Variants in ZBTB8A observed in about 807,000 individuals in gnomAD.
The protein encoded by ZBTB8A is zinc finger and BTB domain-containing protein 8A.
A neutral mutation model predicts 37.8 loss-of-function variants in ZBTB8A; 19 were observed. The observed-to-expected ratio is 0.50, with a 90% CI of 0.35 to 0.74. ZBTB8A has a LOEUF of 0.74. Among genes scored for constraint, ZBTB8A ranks in the 30% least tolerant of loss-of-function variants. The pLI is 0.01. For synonymous variants in ZBTB8A, 181 were observed against 185.2 expected, an observed-to-expected ratio of 0.98 and a Z score of 0.19; for missense variants, 394 against 537.8, an observed-to-expected ratio of 0.73 and a Z score of 2.65.
chr1:32,592,909 A>C (rs1006828328), intron 2 of ZBTB8A, 22 bp from the exon 3 acceptor site: 1 of 1,559,836 alleles, frequency 6.4e-7, no homozygotes, highest in African/African-American at 1.4e-5. Flanking sequence ...TTTGGTAACC[A>C]CATGTGTCTT....
intron 2 of ZBTB8A, among the ~76,000 whole-genome samples, chr1:32,592,191 C>G (rs1474814310): frequency 2.6e-5 from 4 of 152,068 alleles, no homozygotes; most frequent in African/African-American, 9.7e-5. Flanking sequence ...TCTTCTGTGT[C>G]TTGGCGATTA....
chr1:32,544,735 A>G (rs1394069769), intron 1 of ZBTB8A, among the ~76,000 whole-genome samples: 1 of 152,216 alleles, frequency 6.6e-6, no homozygotes, highest in African/African-American at 2.4e-5. Context: ...CAGGAAAGGT[A>G]CAATAAAAAT....
chr1:32,557,304 A>G (rs960984427), intron 2 of ZBTB8A, among the ~76,000 whole-genome samples: 1 of 152,178 alleles, frequency 6.6e-6, no homozygotes, highest in Non-Finnish European at 1.5e-5. Flanking sequence ...TCCCATCTCA[A>G]AAAGATGATG....
chr1:32,573,347 T>A (rs1315812235), intron 2 of ZBTB8A, among the ~76,000 whole-genome samples: 1 of 151,368 alleles, frequency 6.6e-6, no homozygotes, highest in Admixed American at 6.6e-5. Flanking sequence ...GTGCTGTGAT[T>A]ACAGGCGTGA....
chr1:32,548,581 G>T (rs1557700874), intron 1 of ZBTB8A, among the ~76,000 whole-genome samples: 1 of 152,106 alleles, frequency 6.6e-6, no homozygotes, highest in Non-Finnish European at 1.5e-5. Flanking sequence ...TGATAAACCC[G>T]CCTCAGCTTC....
Position 32,584,492 on chromosome 1 carries a change from TTTTC to T in ZBTB8A, c.-1-8423_-1-8420del, listed in dbSNP as rs1263744932. Among the ~76,000 whole-genome samples, 381 of 149,578 alleles carry T rather than the reference TTTTC, an allele frequency of 2.5e-3. 2 individuals carry two copies. The highest frequency in any genetic ancestry group is 8.0e-3 in the African/African-American group (324 of 40,424). ...CCTATACTAAACGTCATCATTCTTT[TTTTC>T]TTTCTTTCTTTCTTTTTTTTTTTTT... On this transcript the variant is annotated intron_variant, in intron 2 of 4. Coordinates refer to ENST00000373510, the MANE Select transcript of ZBTB8A (RefSeq NM_001040441.3).
At chr1:32,554,536 G>C (rs1350733920) in intron 2 of ZBTB8A, among the ~76,000 whole-genome samples, 1 of 151,110 alleles carries the variant, frequency 6.6e-6, no homozygotes. Flanking sequence ...GTCTGGCTCT[G>C]TCGGCCAGAC....
chr1:32,565,871 T>A (rs1644274390), intron 2 of ZBTB8A, among the ~76,000 whole-genome samples: 1 of 152,080 alleles, frequency 6.6e-6, no homozygotes, highest in African/African-American at 2.4e-5. Context: ...TAGATTCTAG[T>A]GCTTAGTCTA....
chr1:32,560,480 TC>T (rs1486012013), intron 2 of ZBTB8A, among the ~76,000 whole-genome samples: 3 of 152,100 alleles, frequency 2.0e-5, no homozygotes, highest in Non-Finnish European at 4.4e-5. Context: ...CTGCTTTTTT[TC>T]CTTTTCTTTA....
intron 1 of ZBTB8A, among the ~76,000 whole-genome samples, chr1:32,540,765 G>T (rs1043214746): frequency 1.5e-4 from 23 of 152,238 alleles, no homozygotes; most frequent in Admixed American, 1.5e-3. Flanking sequence ...GTAGACTGGA[G>T]CAAGAGCCCC....
At chr1:32,542,302 TC>T (rs1644062307) in intron 1 of ZBTB8A, among the ~76,000 whole-genome samples, 1 of 115,440 alleles carries the variant, frequency 8.7e-6, no homozygotes, top group Non-Finnish European at 1.6e-5. Context: ...CACCTATAAT[TC>T]CAACACTTTG....
chr1:32,565,886 C>G (rs1396842468), intron 2 of ZBTB8A, among the ~76,000 whole-genome samples: 1 of 151,986 alleles, frequency 6.6e-6, no homozygotes, highest in African/African-American at 2.4e-5. Flanking sequence ...AGTCTAGAAG[C>G]CTAGTCTGCT....
chr1:32,546,548 G>A (rs557659839), intron 1 of ZBTB8A, among the ~76,000 whole-genome samples: 8 of 152,164 alleles, frequency 5.3e-5, no homozygotes, highest in African/African-American at 1.9e-4. Flanking sequence ...GGAGACTGAA[G>A]CAGGATCACT....
intron 2 of ZBTB8A, among the ~76,000 whole-genome samples, chr1:32,569,648 TC>T (rs1644310314): frequency 6.6e-6 from 1 of 152,066 alleles, no homozygotes; most frequent in African/African-American, 2.4e-5. Flanking sequence ...CGCCTCAGCC[TC>T]CCAAAGTGCT....
At chr1:32,569,842 T>C (rs1187454031) in intron 2 of ZBTB8A, among the ~76,000 whole-genome samples, 2 of 151,456 alleles carry the variant, frequency 1.3e-5, no homozygotes, top group Non-Finnish European at 2.9e-5. Flanking sequence ...AGGCTACTCT[T>C]GAACTCCTGG....
intron 2 of ZBTB8A, among the ~76,000 whole-genome samples, chr1:32,576,876 T>C (rs1644364603): frequency 6.6e-6 from 1 of 151,196 alleles, no homozygotes; most frequent in South Asian, 2.1e-4. Context: ...CTTTTTTTTT[T>C]TTTCTTTTTT....
At chr1:32,591,166 C>T (rs1300810135) in intron 2 of ZBTB8A, among the ~76,000 whole-genome samples, 1 of 151,418 alleles carries the variant, frequency 6.6e-6, no homozygotes, top group Non-Finnish European at 1.5e-5. Context: ...GCCTCAGCCT[C>T]CCAAAGTGCT....
intron 2 of ZBTB8A, among the ~76,000 whole-genome samples, chr1:32,559,061 T>C (rs1469769373): frequency 6.6e-6 from 1 of 152,180 alleles, no homozygotes; most frequent in African/African-American, 2.4e-5. Context: ...TACCCACTGT[T>C]ATTTATGCTG....
intron 2 of ZBTB8A, among the ~76,000 whole-genome samples, chr1:32,592,645 T>A (rs895228521): frequency 5.3e-5 from 8 of 152,016 alleles, no homozygotes; most frequent in Non-Finnish European, 1.0e-4. Context: ...TAGCTGGGAT[T>A]ACAGGCACCC....
Sources: allele counts gnomAD v4.1 joint callset (sites outside exome capture counted in the v4.1 genomes callset), GRCh38; gene constraint gnomAD v4.1.1; transcripts MANE v1.5; gene names NCBI Gene and HGNC (gene_info 2026-07-23, HGNC 2026-07-21).